RBFOX1: variants seen among roughly 807,000 people sequenced by gnomAD.
The protein encoded by RBFOX1 is RNA binding fox-1 homolog 1.
RBFOX1 carries 8 observed loss-of-function variants against 57.7 expected under a neutral mutation model. That is an observed-to-expected ratio of 0.14 (90% confidence interval 0.08 to 0.25). The LOEUF is 0.25. RBFOX1 is among the 10% of genes least tolerant of loss of function. RBFOX1 has a pLI of 1.00. For synonymous variants in RBFOX1, 326 were observed against 222.4 expected (o/e 1.47, Z -4.15); for missense variants, 611 against 548.5 (o/e 1.11, Z -1.14).
At chr16:6,914,628 C>G (rs1297476433) in intron 3 of RBFOX1, among the ~76,000 whole-genome samples, 1 of 151,782 alleles carries the variant, frequency 6.6e-6, no homozygotes, top group Non-Finnish European at 1.5e-5. Context: ...AATCGCAGCA[C>G]TTTGGGAGGC....
chr16:5,846,361 G>T (rs1455289930), intron 3 of RBFOX1, among the ~76,000 whole-genome samples: 1 of 152,058 alleles, frequency 6.6e-6, no homozygotes, highest in Non-Finnish European at 1.5e-5. Context: ...AGAATAATGG[G>T]GAAAGGTGTA....
At chr16:5,617,468 G>T (rs938332548) in intron 3 of RBFOX1, among the ~76,000 whole-genome samples, 1 of 152,186 alleles carries the variant, frequency 6.6e-6, no homozygotes, top group Admixed American at 6.5e-5. Flanking sequence ...CTGGGACTCT[G>T]TGTTCTCCAA....
At chr16:5,708,852 G>A (rs973201747) in intron 3 of RBFOX1, among the ~76,000 whole-genome samples, 16 of 152,148 alleles carry the variant, frequency 1.1e-4, no homozygotes, top group Admixed American at 2.6e-4. Context: ...ACTTTTGGAA[G>A]AAACATGTCT....
chr16:7,521,552 G>T (rs2077515279), intron 5 of RBFOX1, among the ~76,000 whole-genome samples: 1 of 152,178 alleles, frequency 6.6e-6, no homozygotes. Flanking sequence ...AGCGTGTTGG[G>T]TGTCCACAGT....
intron 2 of RBFOX1, among the ~76,000 whole-genome samples, chr16:5,474,025 A>C (rs1220749787): frequency 6.6e-6 from 1 of 151,886 alleles, no homozygotes; most frequent in East Asian, 1.9e-4. Context: ...TAGATGTGTG[A>C]ATGGATGGAA....
At chr16:5,353,825 G>C (rs890223407) in intron 1 of RBFOX1, among the ~76,000 whole-genome samples, 1 of 152,030 alleles carries the variant, frequency 6.6e-6, no homozygotes, top group African/African-American at 2.4e-5. Context: ...CCGGTCTCCT[G>C]TGGGGTCCAC....
At chr16:6,793,435 C>G (rs1366148110) in intron 3 of RBFOX1, among the ~76,000 whole-genome samples, 3 of 152,060 alleles carry the variant, frequency 2.0e-5, no homozygotes, top group Non-Finnish European at 2.9e-5. Context: ...ATACAGAATT[C>G]TCTGAGAGAA....
chr16:5,496,707 C>T (rs2043014193), intron 2 of RBFOX1, among the ~76,000 whole-genome samples: 1 of 152,166 alleles, frequency 6.6e-6, no homozygotes, highest in South Asian at 2.1e-4. Context: ...CTGTACTGAA[C>T]TCCCTGCATT....
At chr16:7,178,502 C>T (rs569441690) in intron 4 of RBFOX1, among the ~76,000 whole-genome samples, 157 of 152,238 alleles carry the variant, frequency 1.0e-3, no homozygotes, top group Non-Finnish European at 1.9e-3. Flanking sequence ...TATCGATTGA[C>T]TGATAATCAT....
chr16:6,614,314 G>T (rs988262070), intron 2 of RBFOX1, among the ~76,000 whole-genome samples: 1 of 152,144 alleles, frequency 6.6e-6, no homozygotes. Context: ...TGGACTTCCT[G>T]CCCTCCAGCC....
chr16:6,474,444 A>C (rs1214706398), intron 2 of RBFOX1, among the ~76,000 whole-genome samples: 4 of 152,252 alleles, frequency 2.6e-5, no homozygotes, highest in Admixed American at 2.0e-4. Context: ...GCAATTGTGC[A>C]GAAGCTGTTG....
chr16:6,380,361 C>G (rs1005444211), intron 2 of RBFOX1, among the ~76,000 whole-genome samples: 1 of 135,072 alleles, frequency 7.4e-6, no homozygotes, highest in African/African-American at 2.7e-5. Flanking sequence ...CCCTCCCCAA[C>G]TTATAATGAT....
chr16:6,471,628 G>T (rs916822504), intron 2 of RBFOX1, among the ~76,000 whole-genome samples: 17 of 150,930 alleles, frequency 1.1e-4, no homozygotes, highest in African/African-American at 4.1e-4. Flanking sequence ...ATTTCTGTTA[G>T]CTCTCAGTAT....
intron 4 of RBFOX1, among the ~76,000 whole-genome samples, chr16:5,992,566 G>T (rs1384093096): frequency 6.6e-6 from 1 of 152,214 alleles, no homozygotes; most frequent in Non-Finnish European, 1.5e-5. Flanking sequence ...GTGTGCTTAT[G>T]TGTGTGTTGG....
At chr16:5,764,271 G>A (rs541471631) in intron 3 of RBFOX1, among the ~76,000 whole-genome samples, 5 of 152,270 alleles carry the variant, frequency 3.3e-5, no homozygotes, top group Admixed American at 6.5e-5. Flanking sequence ...TGGAATACCA[G>A]GAATATCTAT....
chr16:7,187,175 T>C (rs1020364452), intron 4 of RBFOX1, among the ~76,000 whole-genome samples: 3 of 151,118 alleles, frequency 2.0e-5, no homozygotes, highest in African/African-American at 7.3e-5. Context: ...TCTCAAAAAA[T>C]AAATAAAAAA....
intron 2 of RBFOX1, among the ~76,000 whole-genome samples, chr16:6,418,659 G>A (rs2093692584): frequency 6.6e-6 from 1 of 151,546 alleles, no homozygotes; most frequent in Non-Finnish European, 1.5e-5. Context: ...AAGTAGCTGG[G>A]CTACAGGTGC....
At chr16:5,529,537 C>T (rs908761417) in intron 2 of RBFOX1, among the ~76,000 whole-genome samples, 20 of 151,276 alleles carry the variant, frequency 1.3e-4, no homozygotes, top group African/African-American at 4.6e-4. Context: ...GCTGGGACTA[C>T]AGGCGTGCAC....
intron 3 of RBFOX1, among the ~76,000 whole-genome samples, chr16:7,034,768 C>T (rs11077125): frequency 6.9e-6 from 1 of 145,364 alleles, no homozygotes; most frequent in African/African-American, 2.6e-5. Flanking sequence ...GGGGAGGGGT[C>T]TCAGAAAATG....
Sources: gnomAD v4.1 joint callset for allele counts (sites outside exome capture counted in the v4.1 genomes callset) on GRCh38, gnomAD v4.1.1 for gene constraint, MANE v1.5 for transcripts, NCBI Gene and HGNC (gene_info 2026-07-23, HGNC 2026-07-21) for gene names.